Variants in PACRG observed in about 807,000 individuals in gnomAD.
PACRG encodes the protein parkin coregulated.
In PACRG, 29 loss-of-function variants were observed where a neutral mutation model predicts 29.7. That is an observed-to-expected ratio of 0.98 (90% CI 0.73 to 1.33). PACRG has a LOEUF of 1.33. PACRG is among the 40% of genes most tolerant of loss of function. The pLI is 0.00. For missense variants in PACRG, 279 were observed against 316.2 expected, an observed-to-expected ratio of 0.88 and a Z score of 0.89; for synonymous variants, 116 against 118.7, an observed-to-expected ratio of 0.98 and a Z score of 0.15.
intron 4 of PACRG, among the ~76,000 whole-genome samples, chr6:163,272,609 G>T (rs1783874404): frequency 6.6e-6 from 1 of 152,038 alleles, no homozygotes; most frequent in Non-Finnish European, 1.5e-5. Flanking sequence ...GGTGAGGGTG[G>T]AACTTTATTG....
At chr6:162,868,221 G>T (rs1419717538) in intron 2 of PACRG, among the ~76,000 whole-genome samples, 2 of 152,178 alleles carry the variant, frequency 1.3e-5, no homozygotes, top group African/African-American at 4.8e-5. Flanking sequence ...AACTAGAGGC[G>T]ATAGGCCGCC....
chr6:163,012,743 G>A (rs1805730889), intron 2 of PACRG, among the ~76,000 whole-genome samples: 1 of 152,218 alleles, frequency 6.6e-6, no homozygotes, highest in African/African-American at 2.4e-5. Context: ...CTAGTTATGG[G>A]ACTACCCATT....
chr6:162,774,468 A>C (rs1783484594), intron 1 of PACRG, among the ~76,000 whole-genome samples: 1 of 152,212 alleles, frequency 6.6e-6, no homozygotes, highest in Non-Finnish European at 1.5e-5. Context: ...GTAGTTATGG[A>C]ATTGCTTTCC....
intron 4 of PACRG, among the ~76,000 whole-genome samples, chr6:163,115,270 G>T (rs2128321618): frequency 6.6e-6 from 1 of 152,308 alleles, no homozygotes; most frequent in East Asian, 1.9e-4. Context: ...GGACTGAGTA[G>T]AGGGGATGAC....
intron 3 of PACRG, among the ~76,000 whole-genome samples, chr6:163,086,449 GC>G (rs2128297244): frequency 6.6e-6 from 1 of 152,262 alleles, no homozygotes; most frequent in African/African-American, 2.4e-5. Flanking sequence ...GCTGTAATGA[GC>G]CATCATGCTG....
intron 2 of PACRG, among the ~76,000 whole-genome samples, chr6:162,988,579 G>A (rs535407540): frequency 2.6e-5 from 4 of 152,312 alleles, no homozygotes; most frequent in Admixed American, 2.0e-4. Context: ...GCCATTCTAT[G>A]TAGAATCGTT....
At chr6:162,844,938 C>G (rs1324234507) in intron 2 of PACRG, among the ~76,000 whole-genome samples, 1 of 152,070 alleles carries the variant, frequency 6.6e-6, no homozygotes, top group Admixed American at 6.6e-5. Context: ...TTACCTCATC[C>G]TTGTGTAAGT....
At chr6:162,903,301 C>T (rs542607095) in intron 2 of PACRG, among the ~76,000 whole-genome samples, 1 of 152,094 alleles carries the variant, frequency 6.6e-6, no homozygotes, top group African/African-American at 2.4e-5. Flanking sequence ...ATATTTTTCT[C>T]TAGGGGAAAA....
intron 1 of PACRG, among the ~76,000 whole-genome samples, chr6:162,762,353 T>A (rs1584271729): frequency 6.6e-6 from 1 of 152,326 alleles, no homozygotes; most frequent in Non-Finnish European, 1.5e-5. Context: ...GTTTCTCTTC[T>A]GTGGAACAAA....
intron 2 of PACRG, among the ~76,000 whole-genome samples, chr6:162,982,501 T>C (rs1016525966): frequency 1.3e-5 from 2 of 152,076 alleles, no homozygotes; most frequent in Non-Finnish European, 2.9e-5. Flanking sequence ...ATAAGTTGTG[T>C]CACTATTATC....
intron 4 of PACRG, 132 bp downstream of exon 4, chr6:163,089,540 G>A (rs1813905501): frequency 1.8e-6 from 2 of 1,115,386 alleles, no homozygotes; most frequent in Non-Finnish European, 1.3e-6. Flanking sequence ...GATCTAAATA[G>A]CATATTCCCA....
chr6:163,308,821 C>T (rs1785292675), intron 4 of PACRG, among the ~76,000 whole-genome samples: 1 of 152,190 alleles, frequency 6.6e-6, no homozygotes, highest in African/African-American at 2.4e-5. Flanking sequence ...CGCTTTCTCT[C>T]TCACCACAGC....
chr6:163,273,786 T>C (rs1453473382), intron 4 of PACRG, among the ~76,000 whole-genome samples: 1 of 152,140 alleles, frequency 6.6e-6, no homozygotes, highest in Non-Finnish European at 1.5e-5. Context: ...TTTGGACTTA[T>C]TTTGTAGTTC....
chr6:163,299,468 G>C (rs769364394), intron 4 of PACRG, among the ~76,000 whole-genome samples: 18 of 152,196 alleles, frequency 1.2e-4, no homozygotes, highest in Non-Finnish European at 2.5e-4. Context: ...GTGGAGGACG[G>C]AGTTGGCGTC....
At chr6:162,887,502 A>G (rs1260092184) in intron 2 of PACRG, among the ~76,000 whole-genome samples, 4 of 152,184 alleles carry the variant, frequency 2.6e-5, no homozygotes, top group African/African-American at 4.8e-5. Flanking sequence ...ATCGTATTGC[A>G]TGTGATTTCT....
intron 4 of PACRG, chr6:163,189,935 T>C (rs1197795378): frequency 1.3e-5 from 2 of 152,236 alleles, no homozygotes; most frequent in African/African-American, 2.4e-5. Flanking sequence ...CTGTCATTTA[T>C]TTCTATAAGC....
chr6:162,770,317 C>T (rs1783120252), intron 1 of PACRG, among the ~76,000 whole-genome samples: 1 of 152,168 alleles, frequency 6.6e-6, no homozygotes. Context: ...CCCAGATTTG[C>T]AAGGCCATAG....
At chr6:163,123,936 G>A (rs893301600) in intron 4 of PACRG, among the ~76,000 whole-genome samples, 3 of 152,228 alleles carry the variant, frequency 2.0e-5, no homozygotes, top group Non-Finnish European at 4.4e-5. Context: ...GAAGGATGCT[G>A]CAGGGAACAT....
chr6:163,043,819 G>A lies in PACRG; in HGVS notation c.292-18331G>A, dbSNP rs78887835. ...ATTGTCGGAATCAGAGAGCTTGTGC[G>A]GAGGCCAGGATTATAGGCCGTAAGT... On this transcript the variant is annotated intron_variant, in intron 2 of 4. Coordinates refer to ENST00000366888, the MANE Select transcript of PACRG (RefSeq NM_001080379.2). Among the ~76,000 whole-genome samples, 100 of 152,278 alleles carry A rather than the reference G, an allele frequency of 6.6e-4. 3 individuals are homozygous for A. In the East Asian group the frequency reaches 0.017, roughly 26 times the overall value.
Sources: gnomAD v4.1 joint callset for allele counts (sites outside exome capture counted in the v4.1 genomes callset) on GRCh38, gnomAD v4.1.1 for gene constraint, MANE v1.5 for transcripts, NCBI Gene and HGNC (gene_info 2026-07-23, HGNC 2026-07-21) for gene names.